EDIL3: variants seen among roughly 807,000 people sequenced by gnomAD.
EDIL3 encodes the protein EGF like and discoidin domains 3, also known as EGF-like repeat and discoidin I-like domain-containing protein 3.
Under a neutral mutation model 67.4 loss-of-function variants are expected in EDIL3, and 37 were observed. The ratio of observed to expected loss-of-function variants is 0.55; its 90% CI spans 0.42 to 0.72. EDIL3 has a LOEUF of 0.72. Ranked by LOEUF, EDIL3 falls within the 30% of genes least tolerant of loss-of-function variation. EDIL3 has a pLI of 0.00. For missense variants in EDIL3, 527 were observed against 586.3 expected (o/e 0.90, Z 1.04); for synonymous variants, 195 against 196.3 (o/e 0.99, Z 0.05).
chr5:84,225,869 T>C lies in EDIL3; in HGVS notation c.226+3986A>G, dbSNP rs1233838194. On this transcript the variant is annotated intron_variant, in intron 3 of 10. Transcript: ENST00000296591. ...AACTTACATTTTTAGATAAGTCATG[T>C]ATAGATTTGTTCAAAAAATTATGCT... Among the ~76,000 whole-genome samples the C allele has an allele frequency of 3.3e-5, 5 of 151,632 alleles. No homozygotes were observed. The East Asian group carries it at 7.7e-4, about 23-fold the overall frequency.
At chr5:83,971,578 G>A (rs1040429592) in intron 9 of EDIL3, among the ~76,000 whole-genome samples, 2 of 151,778 alleles carry the variant, frequency 1.3e-5, no homozygotes, top group African/African-American at 4.8e-5. Flanking sequence ...TTTATCCGTA[G>A]AATATTTCCC....
chr5:84,301,248 A>G (rs1347654057), intron 1 of EDIL3, among the ~76,000 whole-genome samples: 1 of 151,620 alleles, frequency 6.6e-6, no homozygotes, highest in Non-Finnish European at 1.5e-5. Flanking sequence ...AGCCTGGGCA[A>G]CAAGAGCGAA....
intron 5 of EDIL3, among the ~76,000 whole-genome samples, chr5:84,127,323 G>C (rs563832584): frequency 6.6e-6 from 1 of 151,932 alleles, no homozygotes; most frequent in African/African-American, 2.4e-5. Flanking sequence ...TTTTAAGTTG[G>C]ATACTTTATG....
intron 1 of EDIL3, among the ~76,000 whole-genome samples, chr5:84,338,977 T>G (rs1281180610): frequency 2.0e-5 from 3 of 151,368 alleles, no homozygotes; most frequent in Non-Finnish European, 2.9e-5. Flanking sequence ...TAAATAGATC[T>G]GTCACTATTC....
chr5:84,294,122 G>A (rs1444223046), intron 1 of EDIL3, among the ~76,000 whole-genome samples: 2 of 150,800 alleles, frequency 1.3e-5, no homozygotes, highest in African/African-American at 5.0e-5. Context: ...GGTGGCTCAC[G>A]CCTGTAATCC....
At chr5:83,985,902 C>T (rs189450112) in intron 9 of EDIL3, among the ~76,000 whole-genome samples, 2 of 151,836 alleles carry the variant, frequency 1.3e-5, no homozygotes, top group African/African-American at 4.8e-5. Flanking sequence ...TATCAAGTTC[C>T]AACTTGCTTT....
chr5:84,196,103 T>A (rs1284175853), intron 3 of EDIL3, among the ~76,000 whole-genome samples: 1 of 152,008 alleles, frequency 6.6e-6, no homozygotes, highest in Non-Finnish European at 1.5e-5. Flanking sequence ...AGAAATGTTG[T>A]TGCCTCTACC....
chr5:84,359,756 A>G (rs538508925), intron 1 of EDIL3, among the ~76,000 whole-genome samples: 9 of 152,308 alleles, frequency 5.9e-5, no homozygotes, highest in African/African-American at 2.2e-4. Context: ...AAGACTAACC[A>G]TGGCACTGCC....
intron 9 of EDIL3, among the ~76,000 whole-genome samples, chr5:83,977,639 T>G (rs1170614119): frequency 6.6e-6 from 1 of 151,874 alleles, no homozygotes; most frequent in African/African-American, 2.4e-5. Context: ...TTTCAACTTC[T>G]CTGAGTAAGT....
intron 1 of EDIL3, among the ~76,000 whole-genome samples, chr5:84,371,323 A>ATATATATATATATATG (rs1236704643): frequency 7.5e-6 from 1 of 133,154 alleles, no homozygotes; most frequent in Admixed American, 7.3e-5. Flanking sequence ...TAAAAAGTAT[A>ATATATATATATATATG]TATATATATA....
intron 9 of EDIL3, among the ~76,000 whole-genome samples, chr5:84,056,668 C>T (rs906403321): frequency 3.3e-5 from 5 of 151,872 alleles, no homozygotes; most frequent in Non-Finnish European, 7.4e-5. Context: ...TAGAGCGTCA[C>T]ATTTTTAGCT....
At chr5:83,957,121 C>T (rs1744529602) in intron 10 of EDIL3, among the ~76,000 whole-genome samples, 1 of 151,676 alleles carries the variant, frequency 6.6e-6, no homozygotes, top group South Asian at 2.1e-4. Context: ...GCCTCCGTTC[C>T]TTCCTTCTCT....
intron 2 of EDIL3, among the ~76,000 whole-genome samples, chr5:84,243,606 T>C (rs537481101): frequency 1.3e-5 from 2 of 152,342 alleles, no homozygotes; most frequent in East Asian, 1.9e-4. Context: ...TGGGGTTATA[T>C]GAACACATTG....
At chr5:84,373,607 T>C (rs1747902388) in intron 1 of EDIL3, among the ~76,000 whole-genome samples, 1 of 152,046 alleles carries the variant, frequency 6.6e-6, no homozygotes, top group Non-Finnish European at 1.5e-5. Context: ...AAAGCAACAA[T>C]GGTGAAATCA....
intron 9 of EDIL3, among the ~76,000 whole-genome samples, chr5:83,968,933 T>C (rs1744743279): frequency 6.6e-6 from 1 of 151,854 alleles, no homozygotes; most frequent in Non-Finnish European, 1.5e-5. Flanking sequence ...TAGAAAAATT[T>C]ATTATTAGAA....
chr5:84,293,024 T>C (rs1745959865), intron 1 of EDIL3, among the ~76,000 whole-genome samples: 1 of 152,154 alleles, frequency 6.6e-6, no homozygotes, highest in Admixed American at 6.5e-5. Flanking sequence ...CTCCATCCCC[T>C]TCCTTGCTTA....
chr5:84,097,196 AAG>A (rs1413786743), intron 6 of EDIL3, among the ~76,000 whole-genome samples: 1 of 152,180 alleles, frequency 6.6e-6, no homozygotes, highest in African/African-American at 2.4e-5. Context: ...GGCACATAAA[AAG>A]GGAACATATT....
rs369598864 is a variant in EDIL3, at chr5:84,227,248, C to A, written c.226+2607G>T. ...GAACTTAAATCAACAAGGAAAAAAA[C>A]AACCCCAGTAAAAATTGGGCAAAGG... On this transcript the variant is annotated intron_variant, in intron 3 of 10. Transcript: ENST00000296591. Among the ~76,000 whole-genome samples the A allele has an allele frequency of 2.2e-4, 33 of 151,926 alleles. No homozygotes were observed. The East Asian group carries it at 5.4e-3, about 25-fold the overall frequency.
At chr5:84,280,649 T>C (rs1745676973) in intron 1 of EDIL3, among the ~76,000 whole-genome samples, 1 of 152,100 alleles carries the variant, frequency 6.6e-6, no homozygotes. Flanking sequence ...TGGTGATCAC[T>C]TCTGTAAAGG....
Sources: allele counts gnomAD v4.1 joint callset (sites outside exome capture counted in the v4.1 genomes callset), GRCh38; gene constraint gnomAD v4.1.1; transcripts MANE v1.5; gene names NCBI Gene and HGNC (gene_info 2026-07-23, HGNC 2026-07-21).